Variants in B4GALNT3 observed in about 807,000 individuals in gnomAD.
The protein encoded by B4GALNT3 is beta-1,4-N-acetylgalactosaminyltransferase 3.
In B4GALNT3, 86 loss-of-function variants were observed where a neutral mutation model predicts 120.2. The ratio of observed to expected loss-of-function variants is 0.72; its 90% CI spans 0.60 to 0.86. B4GALNT3 has a LOEUF of 0.86. Among genes scored for constraint, B4GALNT3 ranks in the 40% least tolerant of loss-of-function variants. The probability of loss-of-function intolerance (pLI) is 0.00; values close to 1 mark genes in which losing one functional copy is unlikely to be tolerated. For missense variants in B4GALNT3, 1,167 were observed against 1,298.9 expected (o/e 0.90, Z 1.56); for synonymous variants, 518 against 510.4 (o/e 1.01, Z -0.20).
chr12:539,957 A>C (rs1012416782), intron 3 of B4GALNT3, among the ~76,000 whole-genome samples: 1 of 152,210 alleles, frequency 6.6e-6, no homozygotes, highest in Non-Finnish European at 1.5e-5. Flanking sequence ...GAAACTCTGA[A>C]CAGGACATAG....
intron 1 of B4GALNT3, among the ~76,000 whole-genome samples, chr12:512,193 G>GCCTTCCA (rs1243486019): frequency 4.4e-4 from 6 of 13,594 alleles, no homozygotes; most frequent in African/African-American, 1.2e-3. Flanking sequence ...TCCACCTTCC[G>GCCTTCCA]CCTTCCACCT....
intron 1 of B4GALNT3, among the ~76,000 whole-genome samples, chr12:505,037 C>T (rs1039565817): frequency 2.0e-5 from 3 of 151,922 alleles, no homozygotes; most frequent in African/African-American, 4.8e-5. Flanking sequence ...ATTACAGGTG[C>T]ACACCACCAC....
chr12:537,060 C>T lies in B4GALNT3; in HGVS notation c.351+765C>T, dbSNP rs532060158. ...AGAAGTTCTGCAGCCATCTGTTTAA[C>T]TTGGTTTAGCTCAGCATGTCTCAAA... On this transcript the variant is annotated intron_variant, in intron 3 of 19. Coordinates refer to ENST00000266383, the MANE Select transcript of B4GALNT3 (RefSeq NM_173593.4). 2.4e-4 allele frequency among the ~76,000 whole-genome samples: 36 copies of T among 152,324 alleles called. 1 individual carries two copies. The highest frequency in any genetic ancestry group is 6.8e-3 in the Middle Eastern group (2 of 294).
chr12:488,349 A>G (rs1186149079), intron 1 of B4GALNT3, among the ~76,000 whole-genome samples: 1 of 152,228 alleles, frequency 6.6e-6, no homozygotes, highest in East Asian at 1.9e-4. Flanking sequence ...ACATAAAGAA[A>G]AGAAGAATGT....
chr12:460,816 G>A lies in B4GALNT3; in HGVS notation c.169+271G>A, dbSNP rs909481368. On this transcript the variant is annotated intron_variant, in intron 1 of 19. Transcript: ENST00000266383. The surrounding 1 kb of genome is among the most constrained non-coding windows in gnomAD (Gnocchi z 8.0). ...CTCCTCGCGTCTCCCCTCGGAGAGCGACCCGGAGAGAGGCTCCCCGCCCGT... is the reference window on the plus strand; with the variant it reads ...CTCCTCGCGTCTCCCCTCGGAGAGCAACCCGGAGAGAGGCTCCCCGCCCGT... Among the ~76,000 whole-genome samples the A allele has an allele frequency of 2.0e-5, 3 of 151,984 alleles. No individual in the cohort carries two copies. Among genetic ancestry groups the A allele is most frequent in the Non-Finnish European group, 2.9e-5 (2 of 67,946 alleles).
At chr12:554,748 C>T (rs1450085870) in intron 14 of B4GALNT3, among the ~76,000 whole-genome samples, 4 of 117,198 alleles carry the variant, frequency 3.4e-5, no homozygotes, top group East Asian at 2.6e-4. Context: ...TGAGATTGCG[C>T]CACTGCACTC....
intron 15 of B4GALNT3, among the ~76,000 whole-genome samples, chr12:557,106 T>G (rs1224646342): frequency 6.6e-6 from 1 of 152,064 alleles, no homozygotes; most frequent in Admixed American, 6.5e-5. Flanking sequence ...CGTACTAGGT[T>G]TCAGGATTGG....
At chr12:563,509 A>AT (rs1353950699), downstream of B4GALNT3, 1 of 150,404 alleles carries the variant, frequency 6.6e-6, no homozygotes, top group East Asian at 1.9e-4. Flanking sequence ...AAAAAAAAAA[A>AT]GGTGCTTGTC....
intron 1 of B4GALNT3, among the ~76,000 whole-genome samples, chr12:511,313 CGCCTTCT>C (rs1946550775): frequency 1.5e-4 from 5 of 32,718 alleles, no homozygotes; most frequent in Admixed American, 3.5e-4. Context: ...TTCCACCTTC[CGCCTTCT>C]GCCTTCCACC....
chr12:513,148 A>T (rs1457157484), intron 1 of B4GALNT3, among the ~76,000 whole-genome samples: 1 of 93,482 alleles, frequency 1.1e-5, no homozygotes, highest in Non-Finnish European at 2.1e-5. Context: ...TCCACCTTCG[A>T]CCTTCCACCT....
chr12:513,388 C>T (rs147404318), intron 1 of B4GALNT3, among the ~76,000 whole-genome samples: 2 of 152,348 alleles, frequency 1.3e-5, no homozygotes, highest in African/African-American at 4.8e-5. Context: ...TGATTAGATG[C>T]TAAACGGTGT....
At chr12:525,704 G>C (rs1424456559) in intron 1 of B4GALNT3, among the ~76,000 whole-genome samples, 1 of 152,220 alleles carries the variant, frequency 6.6e-6, no homozygotes, top group Non-Finnish European at 1.5e-5. Context: ...AAAGGAATAG[G>C]AGGAAGAGCA....
chr12:546,056 G>C (rs1289644176), intron 6 of B4GALNT3, among the ~76,000 whole-genome samples: 2 of 145,592 alleles, frequency 1.4e-5, no homozygotes, highest in Non-Finnish European at 1.5e-5. Flanking sequence ...AGGGAGGAGT[G>C]AAGAGTGGGG....
At chr12:514,164 A>G (rs983681680) in intron 1 of B4GALNT3, among the ~76,000 whole-genome samples, 5 of 146,898 alleles carry the variant, frequency 3.4e-5, no homozygotes, top group South Asian at 2.2e-4. Context: ...CAATTTCTCT[A>G]TGTTCTTGCC....
At chr12:556,376 C>T (rs974868628) in intron 14 of B4GALNT3, among the ~76,000 whole-genome samples, 171 bp from the exon 15 acceptor site, 11 of 152,244 alleles carry the variant, frequency 7.2e-5, no homozygotes, top group African/African-American at 2.4e-4. Flanking sequence ...AGGGAGGCAG[C>T]GAACCCTAGA....
chr12:490,727 C>CAA (rs35344501), intron 1 of B4GALNT3, among the ~76,000 whole-genome samples: 17 of 139,498 alleles, frequency 1.2e-4, no homozygotes, highest in African/African-American at 4.4e-4. Flanking sequence ...GACACTGTCT[C>CAA]AAAAAAAAAA....
chr12:552,920 A>G (rs998158276), intron 13 of B4GALNT3: 56 of 520,910 alleles, frequency 1.1e-4, no homozygotes, highest in African/African-American at 9.0e-4. Flanking sequence ...CTCAGGTGCT[A>G]TGCACCTGCC....
At chr12:535,604 A>G (rs1003185894) in intron 2 of B4GALNT3, among the ~76,000 whole-genome samples, 1 of 152,138 alleles carries the variant, frequency 6.6e-6, no homozygotes, top group African/African-American at 2.4e-5. Flanking sequence ...GCCTCTCACT[A>G]GGGTGAGGGC....
chr12:552,416 C>A, intron 12 of B4GALNT3, 51 bp from the exon 13 acceptor site: 1 of 1,566,640 alleles, frequency 6.4e-7, no homozygotes, highest in Non-Finnish European at 8.8e-7. Flanking sequence ...AGAGCCAGGG[C>A]TGAGCCCGCC....
Sources: gnomAD v4.1 joint callset for allele counts (sites outside exome capture counted in the v4.1 genomes callset) on GRCh38, gnomAD v4.1.1 for gene constraint, Gnocchi (gnomAD v3.1) non-coding constraint, MANE v1.5 for transcripts, NCBI Gene and HGNC (gene_info 2026-07-23, HGNC 2026-07-21) for gene names.